Variants in SMG9 observed in about 807,000 individuals in gnomAD.
SMG9 encodes nonsense-mediated mRNA decay factor SMG9.
SMG9 carries 55 observed loss-of-function variants against 64.0 expected under a neutral mutation model. The ratio of observed to expected loss-of-function variants is 0.86; its 90% CI spans 0.69 to 1.08. The LOEUF (loss-of-function observed/expected upper bound fraction) is 1.08. SMG9 is among the 50% of genes least tolerant of loss of function. The probability of loss-of-function intolerance (pLI) is 0.00; values close to 1 mark genes in which losing one functional copy is unlikely to be tolerated. For synonymous variants in SMG9, 244 were observed against 254.8 expected (o/e 0.96, Z 0.41); for missense variants, 554 against 681.3 (o/e 0.81, Z 2.08).
In SMG9 at chr19:43,733,444, A is replaced by C. The variant is rs769117640; in HGVS notation, c.1219T>G (p.Ser407Ala). The change falls in exon 12 of 14, where the codon TCC becomes GCC. Residue 407 changes from serine to alanine, a missense_variant. Coordinates refer to ENST00000270066, the MANE Select transcript of SMG9 (RefSeq NM_019108.4). ...GGGAAGACATTGCATTGTAACATGG[A>C]CAGAGTTCCTGGAGGAGAAAACGCT... is the stretch of plus-strand genomic sequence containing the variant. ...HSHLRYKGTLSMLQCNVFPGL... is the reference protein window; with the variant it reads ...HSHLRYKGTLAMLQCNVFPGL... 2 of 1,613,852 alleles carry C rather than the reference A, an allele frequency of 1.2e-6. No homozygotes were observed. The highest frequency in any genetic ancestry group is 4.5e-5 in the East Asian group (2 of 44,898).
intron 5 of SMG9, among the ~76,000 whole-genome samples, chr19:43,747,230 G>C (rs1456890742): frequency 6.6e-6 from 1 of 152,114 alleles, no homozygotes; most frequent in Non-Finnish European, 1.5e-5. Flanking sequence ...TTTACCAATC[G>C]GTACCAAAGG....
At chr19:43,751,865 C>T (rs186198789) in intron 1 of SMG9, among the ~76,000 whole-genome samples, 6 of 152,360 alleles carry the variant, frequency 3.9e-5, no homozygotes, top group African/African-American at 1.4e-4. Context: ...AAAACAAATA[C>T]ACATCTATCT....
chr19:43,739,146 A>G (rs890249911), intron 7 of SMG9, among the ~76,000 whole-genome samples: 10 of 152,234 alleles, frequency 6.6e-5, no homozygotes, highest in African/African-American at 2.2e-4. Flanking sequence ...GCAACAGTGG[A>G]AGGGGAGGGC....
At chr19:43,735,436 C>T (rs1003853381) in intron 9 of SMG9, among the ~76,000 whole-genome samples, 1 of 151,726 alleles carries the variant, frequency 6.6e-6, no homozygotes, top group Admixed American at 6.6e-5. Flanking sequence ...TGGCCAACAT[C>T]GCGAAACTGT....
intron 6 of SMG9, among the ~76,000 whole-genome samples, chr19:43,742,981 A>C (rs746414001): frequency 3.6e-4 from 54 of 152,112 alleles, no homozygotes; most frequent in Non-Finnish European, 6.9e-4. Flanking sequence ...AGGCTGAGGC[A>C]CAAGAATCGG....
At chr19:43,750,130 T>C in intron 2 of SMG9, 1 of 520,948 alleles carries the variant, frequency 1.9e-6, no homozygotes, top group Non-Finnish European at 3.8e-6. Flanking sequence ...CCAATGCCAA[T>C]TTCACTCAGT....
intron 1 of SMG9, among the ~76,000 whole-genome samples, chr19:43,752,082 A>C (rs1383320719): frequency 6.6e-6 from 1 of 152,194 alleles, no homozygotes; most frequent in Non-Finnish European, 1.5e-5. Flanking sequence ...CCAGCCACTT[A>C]CTAGTGTATG....
chr19:43,749,740 G>A (rs1969136644), intron 2 of SMG9, among the ~76,000 whole-genome samples: 1 of 152,200 alleles, frequency 6.6e-6, no homozygotes, highest in Admixed American at 6.5e-5. Context: ...CTAGGTACAG[G>A]AGGGGAGCGA....
intron 1 of SMG9, among the ~76,000 whole-genome samples, chr19:43,751,589 G>C (rs1241995067): frequency 6.6e-6 from 1 of 152,234 alleles, no homozygotes; most frequent in Non-Finnish European, 1.5e-5. Context: ...CTTGTTTGCA[G>C]TTAGGTGTGG....
chr19:43,736,012 T>C (rs948990034), intron 9 of SMG9, among the ~76,000 whole-genome samples: 2 of 152,222 alleles, frequency 1.3e-5, no homozygotes, highest in African/African-American at 2.4e-5. Context: ...GAATCCCAGA[T>C]GGTGGTAGGA....
chr19:43,754,565 T>C (rs1185423240), intron 1 of SMG9, 89 bp downstream of exon 1: 1 of 152,190 alleles, frequency 6.6e-6, no homozygotes, highest in East Asian at 1.9e-4. Flanking sequence ...CCCAGCGACC[T>C]TTCAATGGCC....
chr19:43,738,900 C>A (rs1422136888), intron 7 of SMG9, among the ~76,000 whole-genome samples: 23 of 152,240 alleles, frequency 1.5e-4, no homozygotes, highest in Non-Finnish European at 7.3e-5. Context: ...ATGGCCCCTG[C>A]ACAGGGCCTG....
chr19:43,740,952 A>T (rs1349505100), intron 6 of SMG9, among the ~76,000 whole-genome samples: 1 of 152,226 alleles, frequency 6.6e-6, no homozygotes. Context: ...AAATCAGGGT[A>T]ATAGTACCTA....
At chr19:43,744,111 T>C (rs1968927591) in intron 6 of SMG9, among the ~76,000 whole-genome samples, 1 of 152,202 alleles carries the variant, frequency 6.6e-6, no homozygotes, top group Admixed American at 6.5e-5. Flanking sequence ...CCTGCTCCTG[T>C]GCCCTTATGC....
intron 7 of SMG9, among the ~76,000 whole-genome samples, chr19:43,739,126 G>A (rs950899209): frequency 6.6e-6 from 1 of 152,256 alleles, no homozygotes; most frequent in Non-Finnish European, 1.5e-5. Context: ...ATGGTGGGAG[G>A]TGCATATGGG....
At chr19:43,733,288 C>T (rs777918749) in intron 12 of SMG9, 36 bp downstream of exon 12, 1 of 1,610,262 alleles carries the variant, frequency 6.2e-7, no homozygotes, top group African/African-American at 1.3e-5. Flanking sequence ...CAGGATAGGA[C>T]TTGTCTCTCC....
Position 43,747,524 on chromosome 19 carries a change from GC to G in SMG9, c.505del (p.Ala169ProfsTer9). On this transcript the variant is annotated frameshift_variant, in exon 5 of 14. Transcript: ENST00000270066. LOFTEE classifies it high-confidence loss of function. The part of the protein sequence containing the change: ...PAAMDPVVGQ[A>X]KLLPPERMKH... Reference sequence around the variant, plus strand: ...CATGCGCTCTGGGGGCAGTAGTTTGGCCTGACCCACGACAGCTGGAGATTGG... The same window carrying G: ...CATGCGCTCTGGGGGCAGTAGTTTGGCTGACCCACGACAGCTGGAGATTGG... 5 of 1,614,160 alleles carry G rather than the reference GC, an allele frequency of 3.1e-6. No homozygotes were observed. Among genetic ancestry groups the G allele is most frequent in the Non-Finnish European group, 4.2e-6 (5 of 1,180,030 alleles).
At chr19:43,745,951 A>C (rs751752992) in intron 5 of SMG9, among the ~76,000 whole-genome samples, 2 of 152,146 alleles carry the variant, frequency 1.3e-5, no homozygotes, top group Non-Finnish European at 2.9e-5. Context: ...CGGTGAGCCG[A>C]GATCGTGCCA....
chr19:43,733,630 G>T lies in SMG9; in HGVS notation c.1206C>A (p.Tyr402Ter). The stretch of plus-strand genomic sequence containing the variant: ...GGGTGATGTGGGAACCCTTACCCTT[G>T]TAACGCAGGTGGGAGTGGGCCATGA... ...DQLMAHSHLR[Y>*]KGTLSMLQCN... The change falls in exon 11 of 14, where the codon TAC becomes TAA. Residue 402 changes from tyrosine (Y) to a stop codon, truncating the protein, a stop_gained. Transcript: ENST00000270066. LOFTEE classifies it high-confidence loss of function. 1 of 1,614,038 alleles carries T rather than the reference G, an allele frequency of 6.2e-7. No individual in the cohort carries two copies.
Sources: gnomAD v4.1 joint callset for allele counts (sites outside exome capture counted in the v4.1 genomes callset) on GRCh38, gnomAD v4.1.1 for gene constraint, MANE v1.5 for transcripts, NCBI Gene and HGNC (gene_info 2026-07-23, HGNC 2026-07-21) for gene names.